The following PARD3 variants were observed in gnomAD, a reference collection of about 807,000 sequenced individuals.
The protein encoded by PARD3 is partitioning defective 3 homolog.
Under a neutral mutation model 155.4 loss-of-function variants are expected in PARD3, and 75 were observed. The observed-to-expected ratio is 0.48, with a 90% confidence interval of 0.40 to 0.58. The LOEUF (loss-of-function observed/expected upper bound fraction) is 0.58, where lower values mean the gene tolerates loss of function less well. PARD3 is among the 20% of genes least tolerant of loss of function. The pLI, the probability that PARD3 is intolerant of heterozygous loss-of-function variation, is 0.00. For missense variants in PARD3, 1,642 were observed against 1,721.7 expected (o/e 0.95, Z 0.82); for synonymous variants, 576 against 610.5 (o/e 0.94, Z 0.83).
intron 1 of PARD3, among the ~76,000 whole-genome samples, chr10:34,742,050 A>C (rs192557076): frequency 1.6e-4 from 25 of 152,310 alleles, no homozygotes; most frequent in Non-Finnish European, 2.4e-4. Flanking sequence ...TTTAGTTTTC[A>C]AGGTGTTTGT....
intron 2 of PARD3, among the ~76,000 whole-genome samples, chr10:34,573,347 C>A (rs1439593434): frequency 2.0e-5 from 3 of 152,156 alleles, no homozygotes; most frequent in East Asian, 1.9e-4. Context: ...CAGAGTAAGA[C>A]CCTGTCTCTT....
chr10:34,185,811 C>CCATAT (rs1950461679), intron 22 of PARD3, among the ~76,000 whole-genome samples: 1 of 143,706 alleles, frequency 7.0e-6, no homozygotes, highest in Non-Finnish European at 1.5e-5. Context: ...GTAACATCTT[C>CCATAT]TATATTATAT....
At chr10:34,552,393 C>T (rs1250809001) in intron 2 of PARD3, among the ~76,000 whole-genome samples, 1 of 152,224 alleles carries the variant, frequency 6.6e-6, no homozygotes, top group Non-Finnish European at 1.5e-5. Context: ...AGCCACCACA[C>T]CCAGCCTACA....
At chr10:34,123,812 G>A (rs966550243) in intron 23 of PARD3, among the ~76,000 whole-genome samples, 1 of 152,068 alleles carries the variant, frequency 6.6e-6, no homozygotes, top group Non-Finnish European at 1.5e-5. Flanking sequence ...AGAAAAAAAT[G>A]AAAATACAAA....
intron 1 of PARD3, among the ~76,000 whole-genome samples, chr10:34,805,492 TTAAATTTA>T (rs1364819816): frequency 6.7e-6 from 1 of 150,112 alleles, no homozygotes; most frequent in Admixed American, 6.6e-5. Flanking sequence ...CTAAAATGAC[TTAAATTTA>T]TACCACCATA....
intron 22 of PARD3, among the ~76,000 whole-genome samples, chr10:34,216,630 T>C (rs535393749): frequency 2.6e-5 from 4 of 152,358 alleles, no homozygotes; most frequent in South Asian, 2.1e-4. Flanking sequence ...TTTGCAATTT[T>C]GCTGTTGGGT....
At chr10:34,686,347 A>T (rs1427817791) in intron 2 of PARD3, among the ~76,000 whole-genome samples, 1 of 152,056 alleles carries the variant, frequency 6.6e-6, no homozygotes, top group Non-Finnish European at 1.5e-5. Context: ...GTATATTTTA[A>T]TGTTAAAGGA....
intron 2 of PARD3, among the ~76,000 whole-genome samples, chr10:34,580,327 C>A (rs2087322456): frequency 6.6e-6 from 1 of 151,902 alleles, no homozygotes; most frequent in African/African-American, 2.4e-5. Flanking sequence ...CGAGACCAGC[C>A]TAGGCAACAT....
chr10:34,603,064 G>A (rs1266603589), intron 2 of PARD3, among the ~76,000 whole-genome samples: 4 of 152,168 alleles, frequency 2.6e-5, no homozygotes, highest in Non-Finnish European at 2.9e-5. Flanking sequence ...GGTAGAGAGC[G>A]ATTAAGGGAA....
chr10:34,537,998 C>T (rs1331063080), intron 2 of PARD3, among the ~76,000 whole-genome samples: 1 of 152,030 alleles, frequency 6.6e-6, no homozygotes, highest in Non-Finnish European at 1.5e-5. Flanking sequence ...TGGCAAATGA[C>T]AAGGGAAAAA....
chr10:34,377,958 G>A lies in PARD3; in HGVS notation c.1539+9C>T, dbSNP rs756531067. 2.1e-5 allele frequency: 32 copies of A among 1,517,228 alleles called. No homozygotes were observed. The African/African-American group carries it at 2.3e-4, about 11-fold the overall frequency. 94.0% of individuals were successfully genotyped at this position (1,517,228 alleles called of 1,614,324 possible). A position where few individuals can be genotyped will look rare whatever the true frequency, so the allele number is the denominator to read the frequency against. ...AATCAGGGAACATCCTGCTGGGGAAGTCACTTACCTCTATAAGTCTGTCTC... is the reference window on the plus strand; with the variant it reads ...AATCAGGGAACATCCTGCTGGGGAAATCACTTACCTCTATAAGTCTGTCTC... On this transcript the variant is annotated intron_variant, in intron 10 of 24. Transcript: ENST00000374788.
Position 34,566,604 on chromosome 10 carries a change from C to CA in PARD3, c.223-49446dup, listed in dbSNP as rs1345037031. Reference sequence around the variant, plus strand: ...CCTGTGTATTATCTCCACCCTCCCGCAAAAAAGCAGGTTTTAAATATGTGA... The same window carrying CA: ...CCTGTGTATTATCTCCACCCTCCCGCAAAAAAAGCAGGTTTTAAATATGTGA... On this transcript the variant is annotated intron_variant, in intron 2 of 24. Transcript: ENST00000374788. Among the ~76,000 whole-genome samples the CA allele has an allele frequency of 1.4e-4, 22 of 152,188 alleles. No individual in the cohort carries two copies. The East Asian group carries it at 2.7e-3, about 19-fold the overall frequency.
chr10:34,419,864 G>A (rs1017478675), intron 5 of PARD3, among the ~76,000 whole-genome samples: 1 of 152,104 alleles, frequency 6.6e-6, no homozygotes, highest in African/African-American at 2.4e-5. Flanking sequence ...TACAAATTAC[G>A]TAAAACTTGT....
intron 12 of PARD3, among the ~76,000 whole-genome samples, chr10:34,367,528 AC>A (rs751251351): frequency 4.5e-4 from 68 of 152,184 alleles, no homozygotes; most frequent in Non-Finnish European, 6.9e-4. Flanking sequence ...ACATGGTGAA[AC>A]CCCGTCTCTA....
intron 1 of PARD3, among the ~76,000 whole-genome samples, chr10:34,809,197 T>C (rs530524965): frequency 6.6e-6 from 1 of 152,282 alleles, no homozygotes; most frequent in African/African-American, 2.4e-5. Flanking sequence ...CTGATGATAG[T>C]CCTCTCAGCA....
chr10:34,573,907 T>A (rs1240377072), intron 2 of PARD3, among the ~76,000 whole-genome samples: 4 of 152,166 alleles, frequency 2.6e-5, no homozygotes, highest in Non-Finnish European at 5.9e-5. Context: ...GTGGGAGGTG[T>A]TTTGACATTG....
At chr10:34,742,561 A>G (rs2095038382) in intron 1 of PARD3, among the ~76,000 whole-genome samples, 1 of 152,170 alleles carries the variant, frequency 6.6e-6, no homozygotes, top group Non-Finnish European at 1.5e-5. Context: ...GCAGAACTGC[A>G]TCATAAGATC....
At chr10:34,390,350 TAGAATACCAAGCACC>T (rs927353960) in intron 7 of PARD3, among the ~76,000 whole-genome samples, 2 of 152,146 alleles carry the variant, frequency 1.3e-5, no homozygotes, top group Non-Finnish European at 2.9e-5. Flanking sequence ...ACTACCTACC[TAGAATACCAAGCACC>T]AGAATACCAA....
chr10:34,335,230 T>C (rs2134260403), intron 18 of PARD3, among the ~76,000 whole-genome samples: 1 of 152,064 alleles, frequency 6.6e-6, no homozygotes, highest in African/African-American at 2.4e-5. Context: ...GATGTCGTTT[T>C]TACAATCTAT....
Sources: gnomAD v4.1 joint callset for allele counts (sites outside exome capture counted in the v4.1 genomes callset) on GRCh38, gnomAD v4.1.1 for gene constraint, MANE v1.5 for transcripts, NCBI Gene and HGNC (gene_info 2026-07-23, HGNC 2026-07-21) for gene names.